Variants in DTNA observed in about 807,000 individuals in gnomAD.
DTNA encodes dystrophin-related protein 3.
In DTNA, 43 loss-of-function variants were observed where a neutral mutation model predicts 100.7. That is an observed-to-expected ratio of 0.43 (90% CI 0.33 to 0.55). The LOEUF (loss-of-function observed/expected upper bound fraction) is 0.55. Among genes scored for constraint, DTNA ranks in the 20% least tolerant of loss-of-function variants. DTNA has a pLI of 0.04. For missense variants in DTNA, 798 were observed against 953.9 expected (o/e 0.84, Z 2.15); for synonymous variants, 349 against 347.9 (o/e 1.00, Z -0.04).
chr18:34,723,935 T>C (rs889630604), intron 1 of DTNA, among the ~76,000 whole-genome samples: 1 of 151,870 alleles, frequency 6.6e-6, no homozygotes, highest in Non-Finnish European at 1.5e-5. Context: ...AAAAAAACTA[T>C]GAAAAATATT....
chr18:34,498,440 AAT>A (rs1491275029), intron 1 of DTNA, among the ~76,000 whole-genome samples: 1 of 88,108 alleles, frequency 1.1e-5, no homozygotes. Context: ...CTCAGAAAAT[AAT>A]ATAATAATAA....
intron 1 of DTNA, among the ~76,000 whole-genome samples, chr18:34,576,825 T>C (rs992795442): frequency 2.0e-5 from 3 of 152,150 alleles, no homozygotes; most frequent in Non-Finnish European, 4.4e-5. Flanking sequence ...TCACTCCACC[T>C]AGAGGCTGCA....
intron 1 of DTNA, among the ~76,000 whole-genome samples, chr18:34,690,931 C>CT (rs2079653436): frequency 6.6e-6 from 1 of 152,108 alleles, no homozygotes; most frequent in African/African-American, 2.4e-5. Flanking sequence ...TTTTTATCTC[C>CT]TTTTTTAAGG....
At chr18:34,587,144 G>A (rs2049227087) in intron 1 of DTNA, among the ~76,000 whole-genome samples, 5 of 144,482 alleles carry the variant, frequency 3.5e-5, no homozygotes, top group Admixed American at 3.3e-4. Context: ...ACCATGCCTG[G>A]CTAATTTTTT....
At chr18:34,884,834 C>G in intron 22 of DTNA, 58 bp downstream of exon 22, 2 of 1,560,102 alleles carry the variant, frequency 1.3e-6, no homozygotes, top group South Asian at 2.2e-5. Flanking sequence ...TTCTGATAAC[C>G]TGTAATGCGA....
intron 1 of DTNA, among the ~76,000 whole-genome samples, chr18:34,697,837 G>A (rs935716573): frequency 3.3e-5 from 5 of 152,150 alleles, no homozygotes; most frequent in African/African-American, 1.2e-4. Context: ...AGCAAAGAAG[G>A]CAGTCAGGCA....
intron 1 of DTNA, among the ~76,000 whole-genome samples, chr18:34,559,192 C>T (rs919906317): frequency 1.3e-5 from 2 of 152,128 alleles, no homozygotes; most frequent in Non-Finnish European, 2.9e-5. Flanking sequence ...ATAATTAGGG[C>T]ATATTATAAA....
intron 17 of DTNA, among the ~76,000 whole-genome samples, chr18:34,869,575 G>C (rs1030504787): frequency 1.2e-4 from 19 of 152,110 alleles, no homozygotes; most frequent in African/African-American, 4.6e-4. Flanking sequence ...AATTTGAGTA[G>C]GTATATTAAA....
At chr18:34,668,115 T>G (rs1223249040) in intron 1 of DTNA, among the ~76,000 whole-genome samples, 2 of 152,214 alleles carry the variant, frequency 1.3e-5, no homozygotes, top group African/African-American at 4.8e-5. Context: ...CTGTTACTGG[T>G]CTATTCAGAG....
chr18:34,664,690 A>G (rs2075660819), intron 1 of DTNA, among the ~76,000 whole-genome samples: 1 of 152,194 alleles, frequency 6.6e-6, no homozygotes, highest in Non-Finnish European at 1.5e-5. Flanking sequence ...ACACAAGGAC[A>G]AGTACACCTA....
chr18:34,811,759 T>A (rs997367189), intron 5 of DTNA, among the ~76,000 whole-genome samples, 200 bp from the exon 6 acceptor site: 4 of 152,206 alleles, frequency 2.6e-5, no homozygotes, highest in African/African-American at 7.2e-5. Flanking sequence ...GTGATTGCTA[T>A]GTGCCAGAAT....
intron 1 of DTNA, among the ~76,000 whole-genome samples, chr18:34,530,602 T>G (rs2043043619): frequency 1.3e-5 from 2 of 152,242 alleles, no homozygotes; most frequent in Non-Finnish European, 2.9e-5. Context: ...CCACTAATAA[T>G]AATAGCTAAA....
chr18:34,657,305 C>T (rs1471687786), intron 1 of DTNA, among the ~76,000 whole-genome samples: 1 of 152,146 alleles, frequency 6.6e-6, no homozygotes, highest in African/African-American at 2.4e-5. Context: ...ACTTTTCTTG[C>T]TTTTGTGTAT....
chr18:34,727,845 G>A (rs2087067538), intron 1 of DTNA, among the ~76,000 whole-genome samples: 2 of 152,164 alleles, frequency 1.3e-5, no homozygotes, highest in Non-Finnish European at 2.9e-5. Context: ...GATTACAGGT[G>A]TGAGCCACTG....
chr18:34,710,811 G>T (rs2082755761), intron 1 of DTNA, among the ~76,000 whole-genome samples: 1 of 151,896 alleles, frequency 6.6e-6, no homozygotes, highest in South Asian at 2.1e-4. Context: ...TTTGAAAATG[G>T]TCCGCTTTTC....
intron 3 of DTNA, among the ~76,000 whole-genome samples, chr18:34,791,009 G>T (rs555178281): frequency 6.6e-6 from 1 of 152,022 alleles, no homozygotes; most frequent in Non-Finnish European, 1.5e-5. Context: ...TCCCAGAGCC[G>T]GCAAGGGGAG....
Position 34,547,659 on chromosome 18 carries a change from T to C in DTNA, c.-2+54145T>C, listed in dbSNP as rs16965435. On this transcript the variant is annotated intron_variant, in intron 1 of 19. Coordinates refer to the DTNA transcript ENST00000283365. The stretch of plus-strand genomic sequence containing the variant: ...TATCCTTGAGTGAATTGGCTTCACT[T>C]TTTCTTTGTCACAGAACAAACCTGT... 3.5e-3 allele frequency among the ~76,000 whole-genome samples: 534 copies of C among 152,272 alleles called. 4 individuals are homozygous for C. The highest frequency in any genetic ancestry group is 0.012 in the African/African-American group (504 of 41,566).
intron 1 of DTNA, among the ~76,000 whole-genome samples, chr18:34,674,731 C>T (rs1312266837): frequency 1.3e-5 from 2 of 152,144 alleles, no homozygotes; most frequent in African/African-American, 4.8e-5. Flanking sequence ...TTCAAACAAG[C>T]ATTTAGTGAT....
intron 1 of DTNA, among the ~76,000 whole-genome samples, chr18:34,716,263 T>C (rs1288760063): frequency 2.6e-5 from 4 of 152,160 alleles, no homozygotes; most frequent in African/African-American, 2.4e-5. Context: ...CTAGAAGCTA[T>C]AAAGCTGTAA....
Sources: gnomAD v4.1 joint callset for allele counts (sites outside exome capture counted in the v4.1 genomes callset) on GRCh38, gnomAD v4.1.1 for gene constraint, MANE v1.5 for transcripts, NCBI Gene and HGNC (gene_info 2026-07-23, HGNC 2026-07-21) for gene names.